TMEM184B: variants seen among roughly 807,000 people sequenced by gnomAD.
TMEM184B encodes putative MAPK-activating protein FM08.
In TMEM184B, 17 loss-of-function variants were observed where a neutral mutation model predicts 41.8. The observed-to-expected ratio is 0.41, with a 90% CI of 0.28 to 0.61. TMEM184B has a LOEUF of 0.61. TMEM184B is among the 20% of genes least tolerant of loss of function. The pLI is 0.34. For synonymous variants in TMEM184B, 240 were observed against 229.5 expected (o/e 1.05, Z -0.41); for missense variants, 393 against 557.8 (o/e 0.70, Z 2.98).
downstream of TMEM184B, among the ~76,000 whole-genome samples, chr22:38,217,833 AAAAAAAAAAAAAAAG>A (rs1270440761): frequency 8.7e-6 from 1 of 115,472 alleles, no homozygotes; most frequent in Non-Finnish European, 1.7e-5. Context: ...TCCATCTCAA[AAAAAAAAAAAAAAAG>A]AAAAGAAAAG....
chr22:38,262,352 G>C (rs1471027097), intron 1 of TMEM184B, among the ~76,000 whole-genome samples: 1 of 152,256 alleles, frequency 6.6e-6, no homozygotes, highest in Non-Finnish European at 1.5e-5. Flanking sequence ...GAGGTCAGAA[G>C]GCAGTGCAGA....
chr22:38,269,140 C>A (rs1280061616), intron 1 of TMEM184B, among the ~76,000 whole-genome samples: 3 of 152,246 alleles, frequency 2.0e-5, no homozygotes, highest in Non-Finnish European at 4.4e-5. Flanking sequence ...ATTTAAATTG[C>A]ATCTCCCAAT....
chr22:38,221,373 T>C lies in TMEM184B; in HGVS notation c.*96A>G. On this transcript the variant is annotated 3_prime_UTR_variant, in exon 9 of 9. Coordinates refer to ENST00000361906, the MANE Select transcript of TMEM184B (RefSeq NM_012264.5). ...CAATAAATAAAGGCGGCGTGAGCAC[T>C]GTGCCAGCTGCCTCCTGGCCTGGTG... The C allele has an allele frequency of 6.7e-7, 1 of 1,500,220 alleles. No individual in the cohort carries two copies. Among genetic ancestry groups the C allele is most frequent in the Admixed American group, 2.3e-5 (1 of 43,644 alleles). 92.9% of individuals were successfully genotyped at this position (1,500,220 alleles called of 1,614,324 possible).
chr22:38,250,243 G>T (rs905262399), intron 1 of TMEM184B, among the ~76,000 whole-genome samples: 1 of 152,230 alleles, frequency 6.6e-6, no homozygotes, highest in Admixed American at 6.5e-5. Flanking sequence ...TGCACTGCCC[G>T]CCTGCACCCC....
intron 8 of TMEM184B, 81 bp from the exon 9 acceptor site, chr22:38,221,791 T>C: frequency 1.9e-6 from 3 of 1,555,206 alleles, no homozygotes; most frequent in Non-Finnish European, 2.6e-6. Flanking sequence ...CCCGTGATCC[T>C]GGGACAGACA....
chr22:38,265,500 T>C (rs2092431242), intron 1 of TMEM184B, among the ~76,000 whole-genome samples: 1 of 152,076 alleles, frequency 6.6e-6, no homozygotes, highest in Non-Finnish European at 1.5e-5. Flanking sequence ...CCAGAAAACC[T>C]GGGTGCTTCC....
Position 38,239,956 on chromosome 22 carries a change from T to C in TMEM184B, c.358+5979A>G, listed in dbSNP as rs1319551420. Among the ~76,000 whole-genome samples, 7 of 151,924 alleles carry C rather than the reference T, an allele frequency of 4.6e-5. No individual in the cohort carries two copies. The South Asian group carries it at 1.5e-3, about 32-fold the overall frequency. On this transcript the variant is annotated intron_variant, in intron 3 of 8. Coordinates refer to ENST00000361906, the MANE Select transcript of TMEM184B (RefSeq NM_012264.5). This position sits in a 1 kb window ranked among gnomAD's most constrained non-coding sequence, Gnocchi z 4.6. Reference sequence around the variant, plus strand: ...GAGGTCCAGCAATTTTTTTTTTTTCTGGGGCGGGTAGAGATGAGGTCGAGG... The same window carrying C: ...GAGGTCCAGCAATTTTTTTTTTTTCCGGGGCGGGTAGAGATGAGGTCGAGG...
chr22:38,252,924 C>CTT (rs2092199714), intron 1 of TMEM184B, among the ~76,000 whole-genome samples: 1 of 152,126 alleles, frequency 6.6e-6, no homozygotes, highest in African/African-American at 2.4e-5. Flanking sequence ...GGGTGGATCA[C>CTT]GAGGTCAGGA....
chr22:38,230,779 A>G (rs770235161), intron 4 of TMEM184B, 35 bp from the exon 5 acceptor site: 3 of 1,596,076 alleles, frequency 1.9e-6, no homozygotes, highest in Non-Finnish European at 1.7e-6. Context: ...AGTGGCAGTG[A>G]GTGAAGAGCC....
At position 38,226,688 on chromosome 22, in the gene TMEM184B, G is replaced by A; in HGVS notation, c.617+91C>T. On this transcript the variant is annotated intron_variant, in intron 6 of 8. Transcript: ENST00000361906. This position sits in a 1 kb window ranked among gnomAD's most constrained non-coding sequence, Gnocchi z 4.6. ...AGACACCCAGGAAGGTCATGGCTGT[G>A]CGGCCACTCTGGCTGCCCCCTTCCC... The A allele has an allele frequency of 1.5e-6, 2 of 1,302,284 alleles. No homozygotes were observed. Among genetic ancestry groups the A allele is most frequent in the East Asian group, 2.6e-5 (1 of 38,994 alleles). 80.7% of individuals were successfully genotyped at this position (1,302,284 alleles called of 1,614,324 possible). A position where few individuals can be genotyped will look rare whatever the true frequency, so the allele number is the denominator to read the frequency against.
Position 38,221,702 on chromosome 22 carries a change from C to T in TMEM184B, c.991G>A (p.Ala331Thr), listed in dbSNP as rs780079876. 1.9e-5 allele frequency: 30 copies of T among 1,613,630 alleles called. No individual in the cohort carries two copies. The highest frequency in any genetic ancestry group is 2.5e-5 in the Non-Finnish European group (29 of 1,179,910). ...DKRLDAQGRC[A>T]PMKSISSSLK... ...CTGCTGGAGATGCTCTTCATGGGGGCACAGCGGCCTGCCGGGCAGGGAGCG... is the reference window on the plus strand; with the variant it reads ...CTGCTGGAGATGCTCTTCATGGGGGTACAGCGGCCTGCCGGGCAGGGAGCG... The change falls in exon 9 of 9, where the codon GCC (alanine) becomes ACC (threonine). Residue 331 changes from alanine (A) to threonine (T), a missense_variant. Physicochemically the swap from Ala to Thr is moderately conservative, Grantham distance 58 (BLOSUM62 0). This residue lies in a region of TMEM184B where 271 missense variants were observed against 434.1 expected (regional missense o/e 0.62). Coordinates refer to ENST00000361906, the MANE Select transcript of TMEM184B (RefSeq NM_012264.5).
chr22:38,249,061 C>T (rs1049919865), intron 1 of TMEM184B, among the ~76,000 whole-genome samples: 1 of 152,226 alleles, frequency 6.6e-6, no homozygotes, highest in East Asian at 1.9e-4. Flanking sequence ...CATCCTCGAA[C>T]ACGCGGGTCT....
chr22:38,250,708 G>A (rs1602454939), intron 1 of TMEM184B, among the ~76,000 whole-genome samples: 1 of 152,126 alleles, frequency 6.6e-6, no homozygotes, highest in East Asian at 1.9e-4. Flanking sequence ...GATGTCGAAG[G>A]CTGTTTTGTT....
chr22:38,237,144 T>A (rs2091792906), intron 3 of TMEM184B, among the ~76,000 whole-genome samples: 1 of 152,096 alleles, frequency 6.6e-6, no homozygotes, highest in African/African-American at 2.4e-5. Context: ...GACCCAGCAG[T>A]TGTAAGGCTC....
In TMEM184B at chr22:38,219,677, G is replaced by T; in HGVS notation, c.*1792C>A. ...ACCCTCCACGCAAACAGCAACGCTG[G>T]GCAGGCGAAAACCAAGGGAGTGGGA... On this transcript the variant is annotated 3_prime_UTR_variant, in exon 9 of 9. Transcript: ENST00000361906. The T allele has an allele frequency of 1.0e-6, 1 of 985,530 alleles. No homozygotes were observed. The allele number at this position is 985,530 out of a possible 1,614,324, so 61.0% of individuals were successfully genotyped here. A position where few individuals can be genotyped will look rare whatever the true frequency, so the allele number is the denominator to read the frequency against.
chr22:38,229,511 T>C (rs1438418436), intron 5 of TMEM184B, among the ~76,000 whole-genome samples: 1 of 152,236 alleles, frequency 6.6e-6, no homozygotes, highest in Non-Finnish European at 1.5e-5. Context: ...CAGGCTCAGA[T>C]GGTCAGACAC....
chr22:38,237,180 G>T (rs186536714), intron 3 of TMEM184B, among the ~76,000 whole-genome samples: 213 of 152,124 alleles, frequency 1.4e-3, no homozygotes, highest in South Asian at 8.7e-3. Flanking sequence ...CCCCGCAACG[G>T]CCACCCTCAT....
In TMEM184B at chr22:38,226,076, CTT is replaced by C. The variant is rs35956053; in HGVS notation, c.618-485_618-484del. 2.7e-4 allele frequency among the ~76,000 whole-genome samples: 36 copies of C among 134,156 alleles called. No homozygotes were observed. Among genetic ancestry groups the C allele is most frequent in the Middle Eastern group, 3.7e-3 (1 of 268 alleles). The allele number at this position is 134,156 out of a possible 152,430, so 88.0% of individuals were successfully genotyped here. ...AAGCACAGGGCTAGACACATGGTCACTTTTTTTTTTTTTTTTTTTAGATATGG... is the reference window on the plus strand; with the variant it reads ...AAGCACAGGGCTAGACACATGGTCACTTTTTTTTTTTTTTTTTAGATATGG... On this transcript the variant is annotated intron_variant, in intron 6 of 8. Transcript: ENST00000361906. The surrounding 1 kb of genome is among the most constrained non-coding windows in gnomAD (Gnocchi z 4.6).
At chr22:38,231,184 G>A (rs927815731) in intron 4 of TMEM184B, 60 bp downstream of exon 4, 69 of 1,455,088 alleles carry the variant, frequency 4.7e-5, no homozygotes, top group Middle Eastern at 1.7e-4. Context: ...AGGACGGCTC[G>A]AGGTACACCA....
Sources: allele counts gnomAD v4.1 joint callset (sites outside exome capture counted in the v4.1 genomes callset), GRCh38; gene constraint gnomAD v4.1.1; regional missense constraint gnomAD v4.1.1; non-coding constraint Gnocchi (gnomAD v3.1); transcripts MANE v1.5; gene names NCBI Gene and HGNC (gene_info 2026-07-23, HGNC 2026-07-21).